Variants in SLC44A5 observed in about 807,000 individuals in gnomAD.
SLC44A5 encodes the protein choline transporter-like protein 5.
Under a neutral mutation model 101.8 loss-of-function variants are expected in SLC44A5, and 57 were observed. The observed-to-expected ratio is 0.56, with a 90% CI of 0.45 to 0.70. The LOEUF (loss-of-function observed/expected upper bound fraction) is 0.70. Among genes scored for constraint, SLC44A5 ranks in the 30% least tolerant of loss-of-function variants. The pLI, the probability that SLC44A5 is intolerant of heterozygous loss-of-function variation, is 0.00. For missense variants in SLC44A5, 737 were observed against 853.1 expected (o/e 0.86, Z 1.70); for synonymous variants, 281 against 290.9 (o/e 0.97, Z 0.35).
At chr1:75,703,272 G>C in the SLC44A5 span, among the ~76,000 whole-genome samples, 1 of 151,764 alleles carries the variant, frequency 6.6e-6, no homozygotes, top group Non-Finnish European at 1.5e-5. Context: ...AATGTCCAAC[G>C]ATGATAGACT....
intron 2 of SLC44A5, among the ~76,000 whole-genome samples, chr1:75,466,378 C>T (rs377027891): frequency 3.3e-5 from 5 of 152,038 alleles, no homozygotes; most frequent in African/African-American, 1.2e-4. Flanking sequence ...ACACACTGGC[C>T]GGGTGTGGTG....
At chr1:75,558,763 A>G (rs1672357541) in intron 1 of SLC44A5, among the ~76,000 whole-genome samples, 2 of 152,154 alleles carry the variant, frequency 1.3e-5, no homozygotes, top group South Asian at 2.1e-4. Context: ...AGAAAAACAT[A>G]TTTATGTAGA....
At chr1:75,494,450 T>C (rs1668571269) in intron 2 of SLC44A5, among the ~76,000 whole-genome samples, 1 of 152,120 alleles carries the variant, frequency 6.6e-6, no homozygotes, top group South Asian at 2.1e-4. Context: ...TCTCTGGAAG[T>C]TGAGAATCTA....
chr1:75,213,426 C>G (rs1234302109), intron 22 of SLC44A5, among the ~76,000 whole-genome samples: 2 of 152,038 alleles, frequency 1.3e-5, no homozygotes, highest in Non-Finnish European at 2.9e-5. Flanking sequence ...GAAGGTGGCA[C>G]CTTTGGGAGG....
At chr1:75,386,411 A>G (rs1386541839) in intron 3 of SLC44A5, among the ~76,000 whole-genome samples, 1 of 152,178 alleles carries the variant, frequency 6.6e-6, no homozygotes, top group East Asian at 1.9e-4. Flanking sequence ...CCTATACACC[A>G]ACAACAGACA....
At chr1:75,687,961 C>T in the SLC44A5 span, among the ~76,000 whole-genome samples, 1 of 152,170 alleles carries the variant, frequency 6.6e-6, no homozygotes, top group African/African-American at 2.4e-5. Flanking sequence ...CAGTCAAAGT[C>T]TTCTCATTCC....
At chr1:75,358,882 A>G (rs2101104732) in intron 3 of SLC44A5, among the ~76,000 whole-genome samples, 1 of 152,262 alleles carries the variant, frequency 6.6e-6, no homozygotes, top group South Asian at 2.1e-4. Context: ...TTTGAGATAT[A>G]CAATGTATTA....
chr1:75,659,486 AAGGAAGGCAGGCAGGCAGGCAGGC>A, the SLC44A5 span, among the ~76,000 whole-genome samples: 1 of 69,706 alleles, frequency 1.4e-5, no homozygotes, highest in African/African-American at 6.1e-5. Context: ...GGAAGGAAGG[AAGGAAGGCAGGCAGGCAGGCAGGC>A]AGGCAGGCAG....
At chr1:75,449,470 G>T (rs1044623668) in intron 2 of SLC44A5, among the ~76,000 whole-genome samples, 1 of 152,088 alleles carries the variant, frequency 6.6e-6, no homozygotes, top group Admixed American at 6.6e-5. Flanking sequence ...AGCCTATGTG[G>T]CTCCCCTTTT....
chr1:75,405,960 G>A (rs567568563), intron 2 of SLC44A5, among the ~76,000 whole-genome samples: 19 of 150,450 alleles, frequency 1.3e-4, no homozygotes, highest in South Asian at 2.1e-4. Context: ...TAGATAGACC[G>A]CTAGCAAGAC....
At chr1:75,376,117 C>T (rs948746248) in intron 3 of SLC44A5, among the ~76,000 whole-genome samples, 23 of 152,372 alleles carry the variant, frequency 1.5e-4, no homozygotes, top group Middle Eastern at 3.4e-3. Context: ...CCAAATACTG[C>T]GCTTTTCCGA....
At chr1:75,711,798 A>G in the SLC44A5 span, among the ~76,000 whole-genome samples, 1 of 152,226 alleles carries the variant, frequency 6.6e-6, no homozygotes, top group Non-Finnish European at 1.5e-5. Context: ...TCATGCTGGC[A>G]AGCAGAAATG....
At chr1:75,466,893 A>G in intron 2 of SLC44A5, among the ~76,000 whole-genome samples, 1 of 152,146 alleles carries the variant, frequency 6.6e-6, no homozygotes, top group Non-Finnish European at 1.5e-5. Flanking sequence ...GGAAGAAGTC[A>G]AATTGTCCTA....
chr1:75,532,445 C>G (rs925277024), intron 2 of SLC44A5, among the ~76,000 whole-genome samples: 2 of 151,980 alleles, frequency 1.3e-5, no homozygotes, highest in Admixed American at 6.6e-5. Flanking sequence ...AGGCAAGATG[C>G]CTGGCATGTG....
chr1:75,318,207 G>A (rs975168512), intron 4 of SLC44A5, among the ~76,000 whole-genome samples: 4 of 151,760 alleles, frequency 2.6e-5, no homozygotes, highest in African/African-American at 4.8e-5. Context: ...TGAGACCTTC[G>A]TCTCTACACA....
chr1:75,696,686 G>A, the SLC44A5 span, among the ~76,000 whole-genome samples: 1 of 152,046 alleles, frequency 6.6e-6, no homozygotes, highest in Non-Finnish European at 1.5e-5. Context: ...ACGAGGTCAG[G>A]AGATCGAGAC....
At chr1:75,409,231 C>T (rs966738053) in intron 2 of SLC44A5, among the ~76,000 whole-genome samples, 7 of 152,158 alleles carry the variant, frequency 4.6e-5, no homozygotes, top group African/African-American at 1.7e-4. Flanking sequence ...GTGCTCACTA[C>T]AGGAAGTCCA....
At chr1:75,674,743 G>A in the SLC44A5 span, among the ~76,000 whole-genome samples, 1 of 152,126 alleles carries the variant, frequency 6.6e-6, no homozygotes, top group Non-Finnish European at 1.5e-5. Flanking sequence ...CCTCAAAAGG[G>A]CAAAACTAAG....
intron 2 of SLC44A5, among the ~76,000 whole-genome samples, chr1:75,517,291 T>A (rs1669888529): frequency 1.3e-5 from 2 of 151,166 alleles, no homozygotes; most frequent in Non-Finnish European, 2.9e-5. Context: ...AAACACATAT[T>A]AAATAAACAC....
Sources: gnomAD v4.1 joint callset for allele counts (sites outside exome capture counted in the v4.1 genomes callset) on GRCh38, gnomAD v4.1.1 for gene constraint, MANE v1.5 for transcripts, NCBI Gene and HGNC (gene_info 2026-07-23, HGNC 2026-07-21) for gene names.